EGFR: variants seen among roughly 807,000 people sequenced by gnomAD.
The protein encoded by EGFR is epidermal growth factor receptor.
In EGFR, 58 loss-of-function variants were observed where a neutral mutation model predicts 143.0. The observed-to-expected ratio is 0.41, with a 90% CI of 0.33 to 0.50. EGFR has a LOEUF of 0.50. Among genes scored for constraint, EGFR ranks in the 20% least tolerant of loss-of-function variants. EGFR has a pLI of 0.39. For synonymous variants in EGFR, 613 were observed against 594.4 expected, an observed-to-expected ratio of 1.03 and a Z score of -0.45; for missense variants, 1,307 against 1,579.0, an observed-to-expected ratio of 0.83 and a Z score of 2.92.
At chr7:55,125,665 G>C (rs879507545) in intron 1 of EGFR, among the ~76,000 whole-genome samples, 1 of 151,704 alleles carries the variant, frequency 6.6e-6, no homozygotes, top group Non-Finnish European at 1.5e-5. Context: ...TAAATCCAGC[G>C]TACCAGCTTT....
chr7:55,197,903 G>A (rs183157592), intron 22 of EGFR, among the ~76,000 whole-genome samples: 56 of 152,304 alleles, frequency 3.7e-4, no homozygotes, highest in African/African-American at 1.3e-3. Context: ...CGATTTGCCA[G>A]TATTTTGTTG....
chr7:55,122,334 T>C (rs1367096928), intron 1 of EGFR, among the ~76,000 whole-genome samples: 1 of 152,234 alleles, frequency 6.6e-6, no homozygotes, highest in African/African-American at 2.4e-5. Flanking sequence ...ACATCGTTAG[T>C]GTTCCCTCAC....
chr7:55,054,950 G>A lies in EGFR; in HGVS notation c.88+35585G>A, dbSNP rs750256940. Among the ~76,000 whole-genome samples the A allele has an allele frequency of 7.2e-4, 110 of 152,302 alleles. 2 individuals are homozygous for A. Among genetic ancestry groups the A allele is most frequent in the Non-Finnish European group, 7.6e-4 (52 of 68,038 alleles). On this transcript the variant is annotated intron_variant, in intron 1 of 27. Coordinates refer to ENST00000275493, the MANE Select transcript of EGFR (RefSeq NM_005228.5). The stretch of plus-strand genomic sequence containing the variant: ...AGGCCCTAGAACCACTCCAAGCTCC[G>A]TGTGGCGAGATGCACCCTCCTGCCC...
At chr7:55,125,672 C>G (rs952267134) in intron 1 of EGFR, among the ~76,000 whole-genome samples, 8 of 151,870 alleles carry the variant, frequency 5.3e-5, no homozygotes, top group African/African-American at 1.9e-4. Flanking sequence ...AGCGTACCAG[C>G]TTTCCCCACG....
chr7:55,162,211 G>A (rs898590989), intron 13 of EGFR, among the ~76,000 whole-genome samples: 2 of 152,232 alleles, frequency 1.3e-5, no homozygotes, highest in South Asian at 2.1e-4. Context: ...TGATATTGAT[G>A]TAAGGCTTTG....
chr7:55,062,084 C>T (rs1789216932), intron 1 of EGFR, among the ~76,000 whole-genome samples: 1 of 152,082 alleles, frequency 6.6e-6, no homozygotes, highest in Non-Finnish European at 1.5e-5. Flanking sequence ...GAACTCGATC[C>T]CCAGGAGATA....
Position 55,171,387 on chromosome 7 carries a change from G to A in EGFR, c.1919+174G>A, listed in dbSNP as rs17290260. ...GCAGAGACTGCCCAGCTGGTTCCAC[G>A]TGGCTCCACGTGCCAACTTTGTCCT... On this transcript the variant is annotated intron_variant, in intron 16 of 27. Transcript: ENST00000275493. Among the ~76,000 whole-genome samples the A allele has an allele frequency of 0.02, 3,091 of 152,296 alleles. 40 individuals carry two copies. The highest frequency in any genetic ancestry group is 0.031 in the Non-Finnish European group (2,125 of 68,004).
At chr7:55,154,384 C>G (rs1785308476) in intron 7 of EGFR, among the ~76,000 whole-genome samples, 1 of 152,244 alleles carries the variant, frequency 6.6e-6, no homozygotes, top group African/African-American at 2.4e-5. Flanking sequence ...GCTCAGTGCA[C>G]AGGGCAGATC....
chr7:55,111,614 T>C (rs1168596327), intron 1 of EGFR, among the ~76,000 whole-genome samples: 2 of 152,226 alleles, frequency 1.3e-5, no homozygotes, highest in East Asian at 1.9e-4. Context: ...GGACTTGATA[T>C]GTAGCAAGCT....
Position 55,173,960 on chromosome 7 carries a change from C to G in EGFR, c.2101C>G (p.Gln701Glu), listed in dbSNP as rs774261340. 1 of 1,614,238 alleles carries G rather than the reference C, an allele frequency of 6.2e-7. No homozygotes were observed. The highest frequency in any genetic ancestry group is 8.5e-7 in the Non-Finnish European group (1 of 1,180,044). The change falls in exon 18 of 28, where the codon CAA becomes GAA. Residue 701 changes from glutamine to glutamate, a missense_variant. By Grantham distance (29) the Gln-to-Glu change is conservative (BLOSUM62 2). This residue lies in a region of EGFR where 348 missense variants were observed against 451.5 expected (regional missense o/e 0.77). Transcript: ENST00000275493. ...PLTPSGEAPN[Q>E]ALLRILKETE... ...TACACCCAGTGGAGAAGCTCCCAAC[C>G]AAGCTCTCTTGAGGATCTTGAAGGA...
intron 1 of EGFR, among the ~76,000 whole-genome samples, chr7:55,080,253 A>G (rs528243083): frequency 1.3e-5 from 2 of 152,252 alleles, no homozygotes; most frequent in South Asian, 2.1e-4. Context: ...ATGATAGCCA[A>G]TGTCAAGACT....
At chr7:55,169,389 C>T (rs1786235642) in intron 15 of EGFR, among the ~76,000 whole-genome samples, 1 of 152,126 alleles carries the variant, frequency 6.6e-6, no homozygotes, top group South Asian at 2.1e-4. Context: ...TGAGCCACTG[C>T]GCCCAGCAGG....
At chr7:55,099,839 GA>G (rs984962907) in intron 1 of EGFR, among the ~76,000 whole-genome samples, 1 of 151,070 alleles carries the variant, frequency 6.6e-6, no homozygotes, top group African/African-American at 2.4e-5. Context: ...AAAAAAAAAA[GA>G]AAGGGGCCCA....
intron 1 of EGFR, among the ~76,000 whole-genome samples, chr7:55,126,043 G>T (rs534418145): frequency 1.3e-5 from 2 of 152,094 alleles, no homozygotes; most frequent in Non-Finnish European, 2.9e-5. Flanking sequence ...TGCCAGGAAG[G>T]TCCCCTGCCC....
intron 25 of EGFR, 93 bp downstream of exon 25, chr7:55,201,448 A>G (rs2128972007): frequency 6.4e-7 from 1 of 1,554,806 alleles, no homozygotes; most frequent in Non-Finnish European, 8.8e-7. Flanking sequence ...AGTGAAACTC[A>G]CATGGATATG....
chr7:55,120,484 C>T (rs111623187), intron 1 of EGFR, among the ~76,000 whole-genome samples: 28 of 152,334 alleles, frequency 1.8e-4, no homozygotes, highest in African/African-American at 4.1e-4. Context: ...ACCACAAGGA[C>T]GTTTACATGG....
intron 1 of EGFR, among the ~76,000 whole-genome samples, chr7:55,131,530 A>C (rs1423672290): frequency 6.6e-6 from 1 of 152,190 alleles, no homozygotes; most frequent in African/African-American, 2.4e-5. Flanking sequence ...TCCAGCCTGA[A>C]GCAGCACCAT....
chr7:55,164,519 G>C (rs1337273229), intron 14 of EGFR, among the ~76,000 whole-genome samples: 8 of 152,188 alleles, frequency 5.3e-5, no homozygotes, highest in Admixed American at 2.6e-4. Context: ...TAAAGACTTG[G>C]TTTATAGGTT....
chr7:55,094,500 A>G (rs1161966624), intron 1 of EGFR, among the ~76,000 whole-genome samples: 1 of 152,192 alleles, frequency 6.6e-6, no homozygotes, highest in African/African-American at 2.4e-5. Context: ...ATTTTTGGAG[A>G]GTCCTTGAGT....
Sources: allele counts gnomAD v4.1 joint callset (sites outside exome capture counted in the v4.1 genomes callset), GRCh38; gene constraint gnomAD v4.1.1; regional missense constraint gnomAD v4.1.1; transcripts MANE v1.5; gene names NCBI Gene and HGNC (gene_info 2026-07-23, HGNC 2026-07-21).